CUX2: variants seen among roughly 807,000 people sequenced by gnomAD.
CUX2 encodes the protein homeobox protein cut-like 2.
CUX2 carries 40 observed loss-of-function variants against 144.8 expected under a neutral mutation model. The ratio of observed to expected loss-of-function variants is 0.28; its 90% confidence interval spans 0.21 to 0.36. The LOEUF is 0.36. CUX2 is among the 10% of genes least tolerant of loss of function. The pLI is 1.00. For synonymous variants in CUX2, 827 were observed against 875.6 expected (o/e 0.94, Z 0.98); for missense variants, 1,615 against 1,994.0 (o/e 0.81, Z 3.62).
chr12:111,221,267 C>A (rs1304932850), intron 3 of CUX2, among the ~76,000 whole-genome samples: 2 of 152,130 alleles, frequency 1.3e-5, no homozygotes, highest in Non-Finnish European at 2.9e-5. Context: ...TTGACTAAGC[C>A]ATTGTGGCCT....
At position 111,263,128 on chromosome 12, in the gene CUX2, A is replaced by G. The variant is rs971350769; in HGVS notation, c.223-633A>G. Reference sequence around the variant, plus strand: ...TTCTAACTCCAGAGCCCACACTTTTAACCTTCATTTCTCCTTCTTGCCCCT... The same window carrying G: ...TTCTAACTCCAGAGCCCACACTTTTGACCTTCATTTCTCCTTCTTGCCCCT... On this transcript the variant is annotated intron_variant, in intron 3 of 21. Transcript: ENST00000261726. This position sits in a 1 kb window ranked among gnomAD's most constrained non-coding sequence, Gnocchi z 4.0. Among the ~76,000 whole-genome samples, 2 of 152,172 alleles carry G rather than the reference A, an allele frequency of 1.3e-5. No individual in the cohort carries two copies. Among genetic ancestry groups the G allele is most frequent in the African/African-American group, 2.4e-5 (1 of 41,430 alleles).
chr12:111,217,921 A>G lies in CUX2; in HGVS notation c.206A>G (p.Lys69Arg). ...AGAGAGATGGTGGCTCCTGTATTAAAAAGCTTCCAAGCCGAGGTAAGACCC... is the reference window on the plus strand; with the variant it reads ...AGAGAGATGGTGGCTCCTGTATTAAGAAGCTTCCAAGCCGAGGTAAGACCC... ...EIREMVAPVLKSFQAEVVALS... is the reference protein window; with the variant it reads ...EIREMVAPVLRSFQAEVVALS... Residue 69 changes from lysine (K) to arginine (R), a missense_variant, in exon 3 of 22, where the codon AAA becomes AGA. Lys to Arg is a conservative substitution (Grantham distance 26, BLOSUM62 2). This residue lies in a region of CUX2 where 295 missense variants were observed against 400.2 expected (regional missense o/e 0.74). Coordinates refer to ENST00000261726, the MANE Select transcript of CUX2 (RefSeq NM_015267.4). The G allele has an allele frequency of 6.2e-7, 1 of 1,614,030 alleles. No individual in the cohort carries two copies. The highest frequency in any genetic ancestry group is 8.5e-7 in the Non-Finnish European group (1 of 1,180,024).
chr12:111,064,595 G>T (rs1253807860), intron 1 of CUX2, among the ~76,000 whole-genome samples: 2 of 152,190 alleles, frequency 1.3e-5, no homozygotes, highest in African/African-American at 4.8e-5. Flanking sequence ...CATTTTGCAT[G>T]TAGTTTCAGG....
chr12:111,127,367 A>G (rs73413574), intron 1 of CUX2, among the ~76,000 whole-genome samples: 2,247 of 152,302 alleles, frequency 0.015, 50 homozygotes, highest in African/African-American at 0.05. Context: ...CATTGACCTT[A>G]GTTTGTCACA....
chr12:111,227,577 G>A (rs1194167576), intron 3 of CUX2, among the ~76,000 whole-genome samples: 1 of 152,124 alleles, frequency 6.6e-6, no homozygotes, highest in African/African-American at 2.4e-5. Context: ...CTTCCCATTG[G>A]GCTGCAGTCC....
intron 1 of CUX2, among the ~76,000 whole-genome samples, chr12:111,096,590 G>A (rs929990209): frequency 6.6e-6 from 1 of 152,094 alleles, no homozygotes; most frequent in African/African-American, 2.4e-5. Flanking sequence ...TCACATCCCC[G>A]CTTCCCAGCT....
intron 1 of CUX2, among the ~76,000 whole-genome samples, chr12:111,155,992 T>A (rs1877349604): frequency 6.6e-6 from 1 of 152,162 alleles, no homozygotes; most frequent in African/African-American, 2.4e-5. Context: ...AAGCCCTGGC[T>A]TTTCCAGCTG....
chr12:111,232,494 C>G (rs1437543319), intron 3 of CUX2, among the ~76,000 whole-genome samples: 2 of 152,020 alleles, frequency 1.3e-5, no homozygotes, highest in African/African-American at 4.8e-5. Context: ...AGAACAAAAC[C>G]TTGTCTCAAA....
At chr12:111,093,956 G>A (rs1303310924) in intron 1 of CUX2, among the ~76,000 whole-genome samples, 1 of 152,174 alleles carries the variant, frequency 6.6e-6, no homozygotes, top group East Asian at 1.9e-4. Flanking sequence ...GCCAATTGAT[G>A]TTTATCTATA....
At chr12:111,110,680 T>C (rs1037575338) in intron 1 of CUX2, among the ~76,000 whole-genome samples, 2 of 152,254 alleles carry the variant, frequency 1.3e-5, no homozygotes, top group African/African-American at 4.8e-5. Context: ...CTCTCTAATC[T>C]GTGATTGCTG....
chr12:111,252,968 T>C (rs754383915), intron 3 of CUX2, among the ~76,000 whole-genome samples: 3 of 151,998 alleles, frequency 2.0e-5, no homozygotes, highest in Non-Finnish European at 4.4e-5. Flanking sequence ...GTGGCCCCTC[T>C]GTTGCTTTTA....
chr12:111,133,591 A>G (rs1265158568), intron 1 of CUX2, among the ~76,000 whole-genome samples: 1 of 152,226 alleles, frequency 6.6e-6, no homozygotes, highest in African/African-American at 2.4e-5. Flanking sequence ...ACACGTGGGA[A>G]TTCTGAGAGA....
chr12:111,273,814 G>A lies in CUX2; in HGVS notation c.301+9975G>A, dbSNP rs78531078. On this transcript the variant is annotated intron_variant, in intron 4 of 21. Transcript: ENST00000261726. ...TTCTCCGAGCCTCAGTTTCCCCAAT[G>A]TAAAATGTGGATAATGACCTCCCCT... Among the ~76,000 whole-genome samples the A allele has an allele frequency of 8.6e-3, 1,305 of 152,276 alleles. 12 individuals are homozygous for A. Among genetic ancestry groups the A allele is most frequent in the Middle Eastern group, 0.027 (8 of 294 alleles).
chr12:111,310,096 C>G lies in CUX2; in HGVS notation c.1314C>G (p.Ser438=). The G allele has an allele frequency of 6.9e-7, 1 of 1,448,862 alleles. No homozygotes were observed. Among genetic ancestry groups the G allele is most frequent in the Non-Finnish European group, 9.1e-7 (1 of 1,100,456 alleles). 89.8% of individuals were successfully genotyped at this position (1,448,862 alleles called of 1,614,324 possible). The change falls in exon 15 of 22, where the codon TCC becomes TCG. Residue 438 remains serine, a synonymous_variant. Coordinates refer to ENST00000261726, the MANE Select transcript of CUX2 (RefSeq NM_015267.4). The surrounding 1 kb of genome is among the most constrained non-coding windows in gnomAD (Gnocchi z 7.9). ...AGGATTCACTGGGCACGGAGCAGTCCTACCCCTCCCCTCAGCAGCTCCCAC... is the reference window on the plus strand; with the variant it reads ...AGGATTCACTGGGCACGGAGCAGTCGTACCCCTCCCCTCAGCAGCTCCCAC... The part of the protein sequence containing the change: ...SIKDSLGTEQ[S]YPSPQQLPPP...
At chr12:111,203,795 C>T (rs1880757547) in intron 1 of CUX2, among the ~76,000 whole-genome samples, 1 of 152,054 alleles carries the variant, frequency 6.6e-6, no homozygotes, top group Non-Finnish European at 1.5e-5. Context: ...GTAGAGAGCC[C>T]AGTGAGGAGG....
At chr12:111,049,312 C>T (rs1378431189) in intron 1 of CUX2, among the ~76,000 whole-genome samples, 3 of 152,184 alleles carry the variant, frequency 2.0e-5, no homozygotes, top group African/African-American at 7.2e-5. Context: ...CAGCAACCTT[C>T]TCATCCACCC....
chr12:111,181,707 A>C (rs1018298323), intron 1 of CUX2, among the ~76,000 whole-genome samples: 1 of 152,218 alleles, frequency 6.6e-6, no homozygotes, highest in Non-Finnish European at 1.5e-5. Context: ...CCGTTATAAC[A>C]AACAGTGGTG....
intron 1 of CUX2, among the ~76,000 whole-genome samples, chr12:111,110,071 C>T (rs578205423): frequency 1.3e-5 from 2 of 148,764 alleles, no homozygotes; most frequent in African/African-American, 2.5e-5. Flanking sequence ...TAAGTAGAGA[C>T]GAGGTCTTGC....
chr12:111,343,305 C>T (rs1888655918), intron 21 of CUX2, among the ~76,000 whole-genome samples: 1 of 152,110 alleles, frequency 6.6e-6, no homozygotes, highest in South Asian at 2.1e-4. Context: ...TCTCACAAGT[C>T]ACTGGCCTGA....
Sources: gnomAD v4.1 joint callset for allele counts (sites outside exome capture counted in the v4.1 genomes callset) on GRCh38, gnomAD v4.1.1 for gene constraint, gnomAD v4.1.1 regional missense constraint, Gnocchi (gnomAD v3.1) non-coding constraint, MANE v1.5 for transcripts, NCBI Gene and HGNC (gene_info 2026-07-23, HGNC 2026-07-21) for gene names.